RFPL1: variants seen among roughly 807,000 people sequenced by gnomAD.
RFPL1 encodes the protein ret finger protein like 1.
RFPL1 carries 6 observed loss-of-function variants against 9.6 expected under a neutral mutation model. That is an observed-to-expected ratio of 0.62 (90% confidence interval 0.34 to 1.23). The LOEUF is 1.23. Among genes scored for constraint, RFPL1 ranks in the 50% most tolerant of loss-of-function variants. The probability of loss-of-function intolerance (pLI) is 0.03; values close to 1 mark genes in which losing one functional copy is unlikely to be tolerated. For missense variants in RFPL1, 352 were observed against 398.4 expected, an observed-to-expected ratio of 0.88 and a Z score of 0.99; for synonymous variants, 145 against 149.4, an observed-to-expected ratio of 0.97 and a Z score of 0.22.
At chr22:29,397,307 A>G in the RFPL1 span, among the ~76,000 whole-genome samples, 1 of 152,090 alleles carries the variant, frequency 6.6e-6, no homozygotes, top group African/African-American at 2.4e-5. Context: ...TCTGTGCTTG[A>G]ACCCTGACTG....
the RFPL1 span, among the ~76,000 whole-genome samples, chr22:29,406,130 AAAAAAAAAAAAAAAAAT>A: frequency 9.0e-4 from 55 of 61,444 alleles, 4 homozygotes; most frequent in South Asian, 8.8e-3. Flanking sequence ...AAAAAAAAAA[AAAAAAAAAAAAAAAAAT>A]AAAAAAAAAG....
At chr22:29,394,419 T>A in the RFPL1 span, among the ~76,000 whole-genome samples, 3 of 152,130 alleles carry the variant, frequency 2.0e-5, no homozygotes. Context: ...CTTGGCTCAC[T>A]GCAACCTCCA....
chr22:29,421,937 C>T, the RFPL1 span, among the ~76,000 whole-genome samples: 1 of 152,170 alleles, frequency 6.6e-6, no homozygotes, highest in Non-Finnish European at 1.5e-5. Context: ...TAGACCAATA[C>T]ATGAAATGCC....
the RFPL1 span, among the ~76,000 whole-genome samples, chr22:29,424,633 C>T: frequency 6.9e-6 from 1 of 145,032 alleles, no homozygotes; most frequent in Non-Finnish European, 1.5e-5. Flanking sequence ...AGGACAATTC[C>T]TTGACAGTGG....
intron 1 of RFPL1, chr22:29,439,388 C>G: frequency 3.1e-6 from 2 of 646,706 alleles, no homozygotes. Flanking sequence ...AATGTCAGCA[C>G]TTTGGGAGGC....
At chr22:29,418,221 C>T in the RFPL1 span, among the ~76,000 whole-genome samples, 5 of 152,106 alleles carry the variant, frequency 3.3e-5, no homozygotes, top group African/African-American at 1.2e-4. Flanking sequence ...AGCCACCGCA[C>T]CCAGCCTCGA....
At chr22:29,394,370 T>A in the RFPL1 span, among the ~76,000 whole-genome samples, 1 of 147,872 alleles carries the variant, frequency 6.8e-6, no homozygotes, top group Non-Finnish European at 1.5e-5. Context: ...TGAGACGGAG[T>A]CTCGCTGTGT....
intron 1 of RFPL1, 144 bp downstream of exon 1, chr22:29,439,308 C>T (rs1334218264): frequency 2.4e-6 from 3 of 1,227,146 alleles, no homozygotes; most frequent in South Asian, 1.5e-5. Flanking sequence ...ATTCTCAGCC[C>T]TGACAACATA....
chr22:29,402,257 G>T, the RFPL1 span, among the ~76,000 whole-genome samples: 2 of 152,098 alleles, frequency 1.3e-5, no homozygotes, highest in African/African-American at 4.8e-5. Flanking sequence ...TGGTTTCTGG[G>T]GGTTAAATTA....
the RFPL1 span, among the ~76,000 whole-genome samples, chr22:29,397,144 C>T: frequency 7.3e-6 from 1 of 136,062 alleles, no homozygotes; most frequent in Non-Finnish European, 1.6e-5. Flanking sequence ...CTCCTGACCT[C>T]GTGATCCGCC....
chr22:29,394,731 A>T, the RFPL1 span, among the ~76,000 whole-genome samples: 1 of 152,240 alleles, frequency 6.6e-6, no homozygotes, highest in East Asian at 1.9e-4. Flanking sequence ...GACATCCATC[A>T]ATTCATTTAA....
chr22:29,423,950 A>C, the RFPL1 span, among the ~76,000 whole-genome samples: 1 of 152,184 alleles, frequency 6.6e-6, no homozygotes, highest in African/African-American at 2.4e-5. Flanking sequence ...CATGCCTGTA[A>C]TCCCAGCCAA....
chr22:29,432,553 A>G, the RFPL1 span, among the ~76,000 whole-genome samples: 713 of 152,302 alleles, frequency 4.7e-3, 7 homozygotes, highest in African/African-American at 0.016. Context: ...GTCGCCGGCT[A>G]ATAAAGGACT....
chr22:29,424,486 G>A, the RFPL1 span, among the ~76,000 whole-genome samples: 1 of 151,770 alleles, frequency 6.6e-6, no homozygotes, highest in African/African-American at 2.4e-5. Flanking sequence ...ATGAGAAAAG[G>A]ACTCAGGGAT....
At chr22:29,410,254 T>A in the RFPL1 span, among the ~76,000 whole-genome samples, 1 of 130,284 alleles carries the variant, frequency 7.7e-6, no homozygotes, top group East Asian at 2.2e-4. Context: ...AGATATATAT[T>A]TGTAGATATA....
chr22:29,439,138 T>G, exon 1 of RFPL1: 2 of 1,614,164 alleles, frequency 1.2e-6, no homozygotes, highest in South Asian at 1.1e-5. Context: ...ATTCTGCAGA[T>G]GAACCCAAGG....
chr22:29,396,999 C>T, the RFPL1 span, among the ~76,000 whole-genome samples: 2 of 149,484 alleles, frequency 1.3e-5, no homozygotes, highest in East Asian at 2.0e-4. Context: ...CTCCGCCTCC[C>T]GGGTTCACGC....
chr22:29,438,914 C>T (rs767946025), exon 1 of RFPL1: 22 of 1,613,976 alleles, frequency 1.4e-5, no homozygotes, highest in South Asian at 1.1e-4. Flanking sequence ...GCAGCTGTCC[C>T]GTCTGCTCAG....
chr22:29,407,659 C>T, the RFPL1 span, among the ~76,000 whole-genome samples: 1 of 151,846 alleles, frequency 6.6e-6, no homozygotes, highest in Admixed American at 6.6e-5. Context: ...ACAGTTAGCC[C>T]ATTTCATCTA....
Sources: allele counts gnomAD v4.1 joint callset (sites outside exome capture counted in the v4.1 genomes callset), GRCh38; gene constraint gnomAD v4.1.1; transcripts MANE v1.5; gene names NCBI Gene and HGNC (gene_info 2026-07-23, HGNC 2026-07-21).